CFAP61: variants seen among roughly 807,000 people sequenced by gnomAD.
The protein encoded by CFAP61 is cilia- and flagella-associated protein 61.
In CFAP61, 107 loss-of-function variants were observed where a neutral mutation model predicts 135.6. The observed-to-expected ratio is 0.79, with a 90% CI of 0.67 to 0.93. The LOEUF is 0.93. CFAP61 is among the 40% of genes least tolerant of loss of function. The pLI is 0.00. For synonymous variants in CFAP61, 575 were observed against 578.5 expected, an observed-to-expected ratio of 0.99 and a Z score of 0.09; for missense variants, 1,507 against 1,556.2, an observed-to-expected ratio of 0.97 and a Z score of 0.53.
intron 8 of CFAP61, among the ~76,000 whole-genome samples, chr20:20,121,890 T>C (rs952828817): frequency 6.6e-6 from 1 of 152,210 alleles, no homozygotes; most frequent in African/African-American, 2.4e-5. Context: ...TTGTCCTTTA[T>C]GGCTAAGTGG....
intron 17 of CFAP61, chr20:20,225,978 T>A (rs3736993): frequency 6.6e-6 from 1 of 152,234 alleles, no homozygotes; most frequent in East Asian, 1.9e-4. Context: ...AGAACTGACG[T>A]TTATTTGAAG....
At chr20:20,263,334 A>C (rs953945001) in intron 21 of CFAP61, among the ~76,000 whole-genome samples, 1 of 152,256 alleles carries the variant, frequency 6.6e-6, no homozygotes, top group African/African-American at 2.4e-5. Context: ...GAAAGAAAAA[A>C]GCTTGAGATA....
chr20:20,208,785 G>A (rs1326370079), intron 17 of CFAP61, among the ~76,000 whole-genome samples: 1 of 152,192 alleles, frequency 6.6e-6, no homozygotes, highest in Non-Finnish European at 1.5e-5. Flanking sequence ...TGGGTCAGCA[G>A]GTTCTGCCCG....
chr20:20,186,580 A>T (rs1315349269), intron 13 of CFAP61, among the ~76,000 whole-genome samples: 2 of 152,286 alleles, frequency 1.3e-5, no homozygotes, highest in Non-Finnish European at 2.9e-5. Context: ...TCTGTAATCC[A>T]CTGAACTAGA....
Position 20,360,388 on chromosome 20 carries a change from A to C in CFAP61, c.3692A>C (p.Tyr1231Ser). The C allele has an allele frequency of 6.2e-7, 1 of 1,613,838 alleles. No individual in the cohort carries two copies. The highest frequency in any genetic ancestry group is 8.5e-7 in the Non-Finnish European group (1 of 1,180,002). ...TATAACCGCTACCACCTGCCCATGT[A>C]CGCGTGGCCAGGCATCGTTTAGTTG... ...LHYNRYHLPM[Y>S]AWPGIV is the part of the protein sequence containing the mutation. The change falls in exon 27 of 27, where the codon TAC becomes TCC. Residue 1231 changes from tyrosine to serine, a missense_variant. Physicochemically the swap from Tyr to Ser is moderately radical, Grantham distance 144. Transcript: ENST00000245957.
At chr20:20,127,626 G>T in intron 8 of CFAP61, among the ~76,000 whole-genome samples, 1 of 148,796 alleles carries the variant, frequency 6.7e-6, no homozygotes. Context: ...GGAGGTGACG[G>T]TTGGTGGTGG....
At chr20:20,245,755 C>T (rs1483750825) in intron 18 of CFAP61, among the ~76,000 whole-genome samples, 1 of 152,200 alleles carries the variant, frequency 6.6e-6, no homozygotes, top group Non-Finnish European at 1.5e-5. Context: ...CAGGGTTAAG[C>T]TGCGATTGTT....
chr20:20,177,443 C>A (rs943495983), intron 13 of CFAP61, among the ~76,000 whole-genome samples: 1 of 151,858 alleles, frequency 6.6e-6, no homozygotes, highest in African/African-American at 2.4e-5. Context: ...CTTTCTTCCA[C>A]CCTCCCTCCA....
chr20:20,126,659 A>C (rs1204678511), intron 8 of CFAP61, among the ~76,000 whole-genome samples: 1 of 151,746 alleles, frequency 6.6e-6, no homozygotes, highest in Non-Finnish European at 1.5e-5. Flanking sequence ...TCTTTCCTTC[A>C]TCTTAACTCT....
chr20:20,212,496 AC>A (rs1231388865), intron 17 of CFAP61, among the ~76,000 whole-genome samples: 1 of 152,046 alleles, frequency 6.6e-6, no homozygotes, highest in African/African-American at 2.4e-5. Context: ...CCCCTGCCTC[AC>A]CAAGAGCCAG....
In CFAP61 at chr20:20,263,040, A is replaced by C; in HGVS notation, c.2413A>C (p.Lys805Gln). 1 of 1,614,114 alleles carries C rather than the reference A, an allele frequency of 6.2e-7. No homozygotes were observed. Among genetic ancestry groups the C allele is most frequent in the South Asian group, 1.1e-5 (1 of 91,072 alleles). The change falls in exon 21 of 27, where the codon AAA becomes CAA. Residue 805 changes from lysine to glutamine, a missense_variant. Coordinates refer to ENST00000245957, the MANE Select transcript of CFAP61 (RefSeq NM_015585.4). ...CAGCAGTCAGCGGCGGTACACGGGG[A>C]AAGTTCCTTGCAACCATTTCACTCT... ...PNSSQRRYTG[K>Q]VPCNHFTLNE...
At chr20:20,164,888 C>T (rs1466691912) in intron 11 of CFAP61, among the ~76,000 whole-genome samples, 2 of 152,158 alleles carry the variant, frequency 1.3e-5, no homozygotes, top group Non-Finnish European at 1.5e-5. Context: ...TCTTACATGG[C>T]GGCAGGCAAA....
Position 20,289,975 on chromosome 20 carries a change from G to C in CFAP61, c.3125-325G>C, listed in dbSNP as rs546491967. ...AGGAATGCTGTTTGCAACATTTAAGGCTTCTAAAGGTCTTGATCTGGTTTT... is the reference window on the plus strand; with the variant it reads ...AGGAATGCTGTTTGCAACATTTAAGCCTTCTAAAGGTCTTGATCTGGTTTT... On this transcript the variant is annotated intron_variant, in intron 23 of 26. Transcript: ENST00000245957. Among the ~76,000 whole-genome samples, 11 of 152,312 alleles carry C rather than the reference G, an allele frequency of 7.2e-5. No homozygotes were observed. The East Asian group carries it at 1.7e-3, about 24-fold the overall frequency.
At chr20:20,105,112 G>T (rs373182615) in intron 8 of CFAP61, among the ~76,000 whole-genome samples, 1 of 152,032 alleles carries the variant, frequency 6.6e-6, no homozygotes, top group Non-Finnish European at 1.5e-5. Context: ...ATGTGTTCAG[G>T]GTGGGGAATG....
chr20:20,307,529 C>T (rs1281740081), intron 25 of CFAP61, among the ~76,000 whole-genome samples: 1 of 152,152 alleles, frequency 6.6e-6, no homozygotes, highest in Admixed American at 6.5e-5. Context: ...GAAACACTTC[C>T]AGCCTTCTAT....
chr20:20,200,010 G>A (rs1367789316), intron 17 of CFAP61, 108 bp downstream of exon 17: 2 of 1,297,798 alleles, frequency 1.5e-6, no homozygotes, highest in Non-Finnish European at 2.2e-6. Context: ...TTAATTACAG[G>A]GAACCTGGTG....
At chr20:20,354,854 T>A (rs55827251) in intron 26 of CFAP61, among the ~76,000 whole-genome samples, 3 of 84,596 alleles carry the variant, frequency 3.5e-5, no homozygotes, top group Non-Finnish European at 5.0e-5. Context: ...TGTGAGGGGA[T>A]GTGGTCACAC....
chr20:20,315,190 C>T (rs952010134), intron 25 of CFAP61, among the ~76,000 whole-genome samples: 15 of 152,044 alleles, frequency 9.9e-5, no homozygotes, highest in African/African-American at 3.6e-4. Flanking sequence ...ACATCCTCTC[C>T]AGCACCTGTT....
chr20:20,193,025 G>A (rs1462852819), intron 15 of CFAP61, among the ~76,000 whole-genome samples: 1 of 152,166 alleles, frequency 6.6e-6, no homozygotes, highest in Non-Finnish European at 1.5e-5. Context: ...GGGTGTGGCA[G>A]AGTCACTTTG....
Sources: allele counts gnomAD v4.1 joint callset (sites outside exome capture counted in the v4.1 genomes callset), GRCh38; gene constraint gnomAD v4.1.1; transcripts MANE v1.5; gene names NCBI Gene and HGNC (gene_info 2026-07-23, HGNC 2026-07-21).